The following BICD1 variants were observed in gnomAD, a reference collection of about 807,000 sequenced individuals.
BICD1 encodes the protein BICD cargo adaptor 1.
In BICD1, 35 loss-of-function variants were observed where a neutral mutation model predicts 92.5. The observed-to-expected ratio is 0.38, with a 90% confidence interval of 0.29 to 0.50. BICD1 has a LOEUF of 0.50. Ranked by LOEUF, BICD1 falls within the 20% of genes least tolerant of loss-of-function variation. The probability of loss-of-function intolerance (pLI) is 0.93; values close to 1 mark genes in which losing one functional copy is unlikely to be tolerated. For synonymous variants in BICD1, 429 were observed against 465.1 expected, an observed-to-expected ratio of 0.92 and a Z score of 1.00; for missense variants, 950 against 1,189.8, an observed-to-expected ratio of 0.80 and a Z score of 2.97.
At chr12:32,359,791 G>A (rs1456719649) in intron 8 of BICD1, among the ~76,000 whole-genome samples, 2 of 152,132 alleles carry the variant, frequency 1.3e-5, no homozygotes, top group South Asian at 2.1e-4. Flanking sequence ...GTCTTGGGAA[G>A]AATACAGCAA....
chr12:32,156,868 A>G (rs1208050178), intron 1 of BICD1, among the ~76,000 whole-genome samples: 1 of 152,246 alleles, frequency 6.6e-6, no homozygotes, highest in Non-Finnish European at 1.5e-5. Context: ...AGTGGTCAAG[A>G]AACATTCCAA....
rs113612356 is a variant in BICD1, at chr12:32,210,122, G to GT, written c.214-6113dup. On this transcript the variant is annotated intron_variant, in intron 1 of 9. Coordinates refer to ENST00000652176, the MANE Select transcript of BICD1 (RefSeq NM_001714.4). ...TAGAATACATGCTCTGGATCACAGA[G>GT]TTTTTTTTTTTTGTTTTCCCAGAAC... Among the ~76,000 whole-genome samples the GT allele has an allele frequency of 9.4e-3, 1,374 of 145,410 alleles. 14 individuals are homozygous for GT. The highest frequency in any genetic ancestry group is 0.025 in the African/African-American group (1,004 of 40,026).
chr12:32,185,737 G>A (rs1475781778), intron 1 of BICD1, among the ~76,000 whole-genome samples: 1 of 152,162 alleles, frequency 6.6e-6, no homozygotes, highest in Non-Finnish European at 1.5e-5. Flanking sequence ...ATGCTGAGGG[G>A]TGGTGAATCC....
At chr12:32,297,449 G>C (rs1260862439) in intron 3 of BICD1, among the ~76,000 whole-genome samples, 1 of 152,092 alleles carries the variant, frequency 6.6e-6, no homozygotes, top group African/African-American at 2.4e-5. Flanking sequence ...GCCCACCTCT[G>C]CCTCCCAAAG....
intron 1 of BICD1, among the ~76,000 whole-genome samples, chr12:32,198,120 G>C (rs1944778218): frequency 6.6e-6 from 1 of 151,644 alleles, no homozygotes; most frequent in Non-Finnish European, 1.5e-5. Flanking sequence ...CAAGAGAATC[G>C]CTTGAACCTG....
chr12:32,355,573 A>C (rs182271528), intron 8 of BICD1, among the ~76,000 whole-genome samples: 3 of 152,246 alleles, frequency 2.0e-5, no homozygotes, highest in African/African-American at 7.2e-5. Flanking sequence ...AGGCTGAGGC[A>C]GGCGGATTGC....
intron 5 of BICD1, among the ~76,000 whole-genome samples, chr12:32,331,229 T>C (rs1296225169): frequency 1.3e-5 from 2 of 152,124 alleles, no homozygotes; most frequent in Non-Finnish European, 2.9e-5. Flanking sequence ...CAAGCATTCA[T>C]TGATTACATA....
intron 2 of BICD1, among the ~76,000 whole-genome samples, chr12:32,260,700 G>T (rs1311346761): frequency 6.7e-6 from 1 of 150,290 alleles, no homozygotes; most frequent in East Asian, 1.9e-4. Flanking sequence ...CCACTTCTGG[G>T]TCATAGCCCA....
rs150996766 is a variant in BICD1 at position 32,348,577 on chromosome 12, C to T, written c.2764+9598C>T. Reference sequence around the variant, plus strand: ...CCCATACATTGCTGAGGATAGCGGCCTTCAGAAGGTGGCTGTTTCCGGAGG... The same window carrying T: ...CCCATACATTGCTGAGGATAGCGGCTTTCAGAAGGTGGCTGTTTCCGGAGG... On this transcript the variant is annotated intron_variant, in intron 8 of 9. Transcript: ENST00000652176. 3.7e-4 allele frequency among the ~76,000 whole-genome samples: 56 copies of T among 151,748 alleles called. 1 individual carries two copies. The East Asian group carries it at 5.8e-3, about 16-fold the overall frequency.
At position 32,328,133 on chromosome 12, in the gene BICD1, T is replaced by C. The variant is rs1416434917; in HGVS notation, c.1678T>C (p.Ser560Pro). 2.5e-6 allele frequency: 4 copies of C among 1,613,992 alleles called. No homozygotes were observed. The highest frequency in any genetic ancestry group is 3.4e-6 in the Non-Finnish European group (4 of 1,180,020). Residue 560 changes from serine to proline, a missense_variant, in exon 5 of 10, where the codon TCC becomes CCC. Physicochemically the swap from Ser to Pro is moderately conservative, Grantham distance 74. This residue lies in a region of BICD1 where 309 missense variants were observed against 499.4 expected (regional missense o/e 0.62). Transcript: ENST00000652176. This position sits in a 1 kb window ranked among gnomAD's most constrained non-coding sequence, Gnocchi z 4.4. ...GCCCGATGATCCCAGAGGACTTTTG[T>C]CCCCACGATTAGCCAGGCGGGGTGT... Reference protein sequence around the residue: ...KGPDDPRGLLSPRLARRGVSS... With the variant: ...KGPDDPRGLLPPRLARRGVSS...
intron 2 of BICD1, among the ~76,000 whole-genome samples, chr12:32,288,876 A>T (rs1407069751): frequency 6.6e-6 from 1 of 152,072 alleles, no homozygotes; most frequent in Non-Finnish European, 1.5e-5. Context: ...AAAAAAAAAA[A>T]ATTATAGTAA....
intron 1 of BICD1, among the ~76,000 whole-genome samples, chr12:32,117,746 A>G (rs1201202872): frequency 9.6e-6 from 1 of 104,330 alleles, no homozygotes; most frequent in African/African-American, 2.8e-5. Flanking sequence ...ATATATATAT[A>G]TATATATATA....
At chr12:32,284,716 G>A (rs2136176395) in intron 2 of BICD1, among the ~76,000 whole-genome samples, 1 of 152,212 alleles carries the variant, frequency 6.6e-6, no homozygotes, top group South Asian at 2.1e-4. Flanking sequence ...TTAAACAAAG[G>A]AATTTCTACT....
chr12:32,374,566 T>G lies in BICD1; in HGVS notation c.2841-2974T>G, dbSNP rs534642925. On this transcript the variant is annotated intron_variant, in intron 9 of 9. Transcript: ENST00000652176. ...TGTTTTAAATATTTTCTTTTCTTTC[T>G]TCTTTTTTTTTTTTTTTTGAGACGG... 1.6e-4 allele frequency among the ~76,000 whole-genome samples: 19 copies of G among 117,736 alleles called. No individual in the cohort carries two copies. The East Asian group carries it at 4.3e-3, about 27-fold the overall frequency. 77.2% of individuals were successfully genotyped at this position (117,736 alleles called of 152,430 possible).
chr12:32,248,834 G>A (rs1462715913), intron 2 of BICD1, among the ~76,000 whole-genome samples: 1 of 152,170 alleles, frequency 6.6e-6, no homozygotes, highest in East Asian at 1.9e-4. Context: ...GTTGTTGGCT[G>A]CCCCCTTCAC....
intron 2 of BICD1, among the ~76,000 whole-genome samples, chr12:32,267,735 AATTAACTTTT>A (rs1592584743): frequency 6.6e-6 from 1 of 152,180 alleles, no homozygotes; most frequent in Admixed American, 6.5e-5. Context: ...TTTTGTTGTT[AATTAACTTTT>A]ATTACCAGTG....
intron 1 of BICD1, among the ~76,000 whole-genome samples, chr12:32,207,923 A>C (rs1426231251): frequency 6.6e-6 from 1 of 152,234 alleles, no homozygotes; most frequent in Admixed American, 6.5e-5. Flanking sequence ...CGGCCACCTG[A>C]TTCTTGGATA....
At chr12:32,351,487 C>CAAAAAA (rs35002678) in intron 8 of BICD1, among the ~76,000 whole-genome samples, 16 of 57,198 alleles carry the variant, frequency 2.8e-4, no homozygotes, top group East Asian at 5.6e-4. Context: ...GACTCTGTCT[C>CAAAAAA]AAAAAAAAAA....
intron 3 of BICD1, among the ~76,000 whole-genome samples, chr12:32,295,935 G>A (rs1166962853): frequency 6.6e-6 from 1 of 152,106 alleles, no homozygotes; most frequent in Non-Finnish European, 1.5e-5. Flanking sequence ...TTACAAGCAC[G>A]AGCCACAGCG....
Sources: allele counts gnomAD v4.1 joint callset (sites outside exome capture counted in the v4.1 genomes callset), GRCh38; gene constraint gnomAD v4.1.1; regional missense constraint gnomAD v4.1.1; non-coding constraint Gnocchi (gnomAD v3.1); transcripts MANE v1.5; gene names NCBI Gene and HGNC (gene_info 2026-07-23, HGNC 2026-07-21).